The following CTNNA1 variants were observed in gnomAD, a reference collection of about 807,000 sequenced individuals.
CTNNA1 encodes catenin alpha 1.
Under a neutral mutation model 98.4 loss-of-function variants are expected in CTNNA1, and 37 were observed. That is an observed-to-expected ratio of 0.38 (90% CI 0.29 to 0.49). CTNNA1 has a LOEUF of 0.49. CTNNA1 is among the 20% of genes least tolerant of loss of function. The pLI is 0.95. For missense variants in CTNNA1, 761 were observed against 1,147.2 expected (o/e 0.66, Z 4.86); for synonymous variants, 404 against 413.2 (o/e 0.98, Z 0.27).
At chr5:138,754,885 G>A (rs1751455588) in intron 1 of CTNNA1, 1 of 151,140 alleles carries the variant, frequency 6.6e-6, no homozygotes, top group Non-Finnish European at 1.5e-5. Flanking sequence ...GGCTTCCGAA[G>A]TAGTTGGGAC....
chr5:138,894,920 T>C (rs966098892), intron 9 of CTNNA1, among the ~76,000 whole-genome samples: 2 of 152,166 alleles, frequency 1.3e-5, no homozygotes, highest in African/African-American at 4.8e-5. Context: ...GTCACTTCTG[T>C]AGAGAAACTT....
chr5:138,764,860 ATC>A (rs1344939838), intron 1 of CTNNA1, among the ~76,000 whole-genome samples: 13 of 115,378 alleles, frequency 1.1e-4, no homozygotes, highest in Non-Finnish European at 1.9e-4. Flanking sequence ...AATTTGCTGT[ATC>A]TCTCTCTTTT....
intron 1 of CTNNA1, among the ~76,000 whole-genome samples, chr5:138,760,327 C>T (rs1273897397): frequency 6.6e-6 from 1 of 151,280 alleles, no homozygotes; most frequent in Admixed American, 6.6e-5. Context: ...GAATAATGTT[C>T]CATTTATTGT....
chr5:138,765,938 ACT>A (rs1367174621), intron 1 of CTNNA1, among the ~76,000 whole-genome samples: 19 of 127,278 alleles, frequency 1.5e-4, no homozygotes, highest in African/African-American at 4.8e-4. Context: ...ATAGAGTGAG[ACT>A]CTGTCTCAAA....
At chr5:138,755,925 AT>A (rs1425661864) in intron 1 of CTNNA1, among the ~76,000 whole-genome samples, 14 of 128,022 alleles carry the variant, frequency 1.1e-4, no homozygotes, top group African/African-American at 3.9e-4. Context: ...CAGTGAGGTG[AT>A]CTCAGTTCAC....
In CTNNA1 at chr5:138,785,720, C is replaced by A. The variant is rs566304144; in HGVS notation, c.301+2348C>A. 2.6e-5 allele frequency among the ~76,000 whole-genome samples: 4 copies of A among 152,250 alleles called. No homozygotes were observed. The South Asian group carries it at 6.2e-4, about 24-fold the overall frequency. ...GGATTACAGGCATATGCCACCACAC[C>A]CAGCTAATTTTTGTATTTTTAGTAT... On this transcript the variant is annotated intron_variant, in intron 3 of 17. Coordinates refer to ENST00000302763, the MANE Select transcript of CTNNA1 (RefSeq NM_001903.5).
chr5:138,904,234 A>C, intron 9 of CTNNA1, 115 bp from the exon 10 acceptor site: 1 of 1,305,486 alleles, frequency 7.7e-7, no homozygotes, highest in Non-Finnish European at 1.0e-6. Flanking sequence ...GAAGGGAGGC[A>C]CCCTTGGTGC....
chr5:138,914,977 C>T (rs978856079), intron 10 of CTNNA1, among the ~76,000 whole-genome samples: 1 of 152,060 alleles, frequency 6.6e-6, no homozygotes, highest in African/African-American at 2.4e-5. Flanking sequence ...AAAACCCCAT[C>T]TCTACCAAAA....
In CTNNA1 at chr5:138,824,604, C is replaced by G. The variant is rs552540254; in HGVS notation, c.663C>G (p.Leu221=). 10 of 1,614,232 alleles carry G rather than the reference C, an allele frequency of 6.2e-6. No individual in the cohort carries two copies. The highest frequency in any genetic ancestry group is 5.5e-5 in the South Asian group (5 of 91,090). Residue 221 remains leucine (L), a synonymous_variant, in exon 6 of 18, where the codon CTC becomes CTG. Coordinates refer to ENST00000302763, the MANE Select transcript of CTNNA1 (RefSeq NM_001903.5). ...TCCTGCAGAAGAACGTTCCGATCCT[C>G]TATACTGCATCCCAGGCATGCCTAC... ...RGILQKNVPI[L]YTASQACLQH... is the part of the protein sequence containing the mutation.
intron 3 of CTNNA1, among the ~76,000 whole-genome samples, chr5:138,799,914 A>G (rs192607453): frequency 4.6e-4 from 70 of 151,122 alleles, no homozygotes; most frequent in African/African-American, 1.6e-3. Flanking sequence ...GTGTGTATTT[A>G]GAGACAGAGT....
chr5:138,810,743 C>T (rs1470190279), intron 4 of CTNNA1, among the ~76,000 whole-genome samples: 3 of 152,224 alleles, frequency 2.0e-5, no homozygotes, highest in Admixed American at 6.5e-5. Context: ...CCCACCTTTC[C>T]CCCCTTTCTA....
At chr5:138,906,552 G>GA (rs1448895305) in intron 10 of CTNNA1, among the ~76,000 whole-genome samples, 9 of 152,026 alleles carry the variant, frequency 5.9e-5, no homozygotes, top group Admixed American at 5.2e-4. Context: ...TAAAACCCAG[G>GA]AAAAAAATCA....
At chr5:138,899,782 A>T (rs1257232228) in intron 9 of CTNNA1, among the ~76,000 whole-genome samples, 1 of 152,198 alleles carries the variant, frequency 6.6e-6, no homozygotes. Context: ...AATTTCTCTT[A>T]ATTTTTCACC....
At chr5:138,762,625 T>A (rs542068292) in intron 1 of CTNNA1, among the ~76,000 whole-genome samples, 1 of 152,000 alleles carries the variant, frequency 6.6e-6, no homozygotes, top group Non-Finnish European at 1.5e-5. Context: ...TCTTTTTGAT[T>A]GGGATTTAAT....
chr5:138,904,617 T>C, intron 10 of CTNNA1, 176 bp downstream of exon 10: 2 of 817,448 alleles, frequency 2.4e-6, no homozygotes, highest in Non-Finnish European at 3.7e-6. Context: ...TAACATTAAG[T>C]GACATTTGCA....
intron 7 of CTNNA1, among the ~76,000 whole-genome samples, chr5:138,841,211 A>G (rs913352246): frequency 2.0e-5 from 3 of 152,112 alleles, no homozygotes; most frequent in African/African-American, 7.2e-5. Flanking sequence ...CCAGCAACTC[A>G]ATGGCTTGCT....
chr5:138,925,121 A>G, intron 12 of CTNNA1, 135 bp from the exon 13 acceptor site: 1 of 892,018 alleles, frequency 1.1e-6, no homozygotes, highest in Non-Finnish European at 1.7e-6. Flanking sequence ...TCAACTGTAA[A>G]TACCCTTCAC....
Position 138,827,630 on chromosome 5 carries a change from C to A in CTNNA1, c.974C>A (p.Thr325Lys), listed in dbSNP as rs1581178471. The change falls in exon 7 of 18, where the codon ACG becomes AAG. Residue 325 changes from threonine (T) to lysine (K), a missense_variant. Physicochemically the swap from Thr to Lys is moderately conservative, Grantham distance 78. Coordinates refer to ENST00000302763, the MANE Select transcript of CTNNA1 (RefSeq NM_001903.5). ...GCCTTGATGGCCGACTCGTCCTGCACGCGTGATGACCGTCGTGAGCGAATT... is the reference window on the plus strand; with the variant it reads ...GCCTTGATGGCCGACTCGTCCTGCAAGCGTGATGACCGTCGTGAGCGAATT... The part of the protein sequence containing the change: ...GAALMADSSC[T>K]RDDRRERIVA... 6.2e-7 allele frequency: 1 copy of A among 1,614,194 alleles called. No homozygotes were observed. The highest frequency in any genetic ancestry group is 1.1e-5 in the South Asian group (1 of 91,084).
At chr5:138,867,515 C>T (rs1764900132) in intron 7 of CTNNA1, among the ~76,000 whole-genome samples, 1 of 152,164 alleles carries the variant, frequency 6.6e-6, no homozygotes, top group African/African-American at 2.4e-5. Context: ...CCTTGAGCAA[C>T]ATGGGTATGA....
Sources: allele counts gnomAD v4.1 joint callset (sites outside exome capture counted in the v4.1 genomes callset), GRCh38; gene constraint gnomAD v4.1.1; transcripts MANE v1.5; gene names NCBI Gene and HGNC (gene_info 2026-07-23, HGNC 2026-07-21).